CACNA2D1: variants seen among roughly 807,000 people sequenced by gnomAD.
The protein encoded by CACNA2D1 is voltage-dependent calcium channel subunit alpha-2/delta-1.
Under a neutral mutation model 171.5 loss-of-function variants are expected in CACNA2D1, and 53 were observed. The observed-to-expected ratio is 0.31, with a 90% confidence interval of 0.25 to 0.39. The LOEUF is 0.39. CACNA2D1 is among the 10% of genes least tolerant of loss of function. The pLI, the probability that CACNA2D1 is intolerant of heterozygous loss-of-function variation, is 1.00. For synonymous variants in CACNA2D1, 442 were observed against 443.1 expected (o/e 1.00, Z 0.03); for missense variants, 903 against 1,299.8 (o/e 0.69, Z 4.69).
chr7:82,060,394 T>C, intron 10 of CACNA2D1, 34 bp downstream of exon 10: 15 of 1,440,088 alleles, frequency 1.0e-5, no homozygotes, highest in Admixed American at 1.7e-5. Flanking sequence ...AATTGCAAAT[T>C]TAATTCAGGA....
intron 24 of CACNA2D1, among the ~76,000 whole-genome samples, chr7:81,975,539 CTTGT>C (rs777695155): frequency 4.6e-5 from 7 of 151,930 alleles, no homozygotes; most frequent in Non-Finnish European, 1.0e-4. Context: ...CATACTGAAA[CTTGT>C]TTATTTGTAA....
intron 7 of CACNA2D1, among the ~76,000 whole-genome samples, chr7:82,084,418 TCTAATGTGACTCACAG>T (rs1810198855): frequency 6.6e-6 from 1 of 152,208 alleles, no homozygotes; most frequent in South Asian, 2.1e-4. Flanking sequence ...AATTCAATTC[TCTAATGTGACTCACAG>T]CTTGGTGCAT....
intron 4 of CACNA2D1, among the ~76,000 whole-genome samples, chr7:82,160,647 T>C (rs1794849647): frequency 6.6e-6 from 1 of 152,004 alleles, no homozygotes; most frequent in Non-Finnish European, 1.5e-5. Flanking sequence ...TTTTTAATTG[T>C]AGACCTTGTA....
At chr7:81,967,574 G>T (rs200135341) in intron 30 of CACNA2D1, 22 bp downstream of exon 30, 21 of 1,318,014 alleles carry the variant, frequency 1.6e-5, no homozygotes, top group Middle Eastern at 1.9e-4. Context: ...CATAGCATAA[G>T]AATTTTTTAA....
chr7:82,029,845 T>C (rs546400008), intron 12 of CACNA2D1: 4 of 151,974 alleles, frequency 2.6e-5, no homozygotes, highest in Admixed American at 2.0e-4. Flanking sequence ...TCCAAGAATA[T>C]TTTAATTTTT....
At chr7:82,140,071 G>A (rs1219357111) in intron 4 of CACNA2D1, among the ~76,000 whole-genome samples, 6 of 151,906 alleles carry the variant, frequency 3.9e-5, no homozygotes. Context: ...GATTACAGGC[G>A]TGAGCCACCA....
chr7:82,200,731 C>G (rs1799331702), intron 3 of CACNA2D1, among the ~76,000 whole-genome samples: 1 of 152,068 alleles, frequency 6.6e-6, no homozygotes, highest in African/African-American at 2.4e-5. Context: ...GAACTCAGGC[C>G]TAAAAAAGAT....
chr7:82,295,376 G>A (rs766831560), intron 3 of CACNA2D1, among the ~76,000 whole-genome samples: 75 of 149,924 alleles, frequency 5.0e-4, no homozygotes, highest in African/African-American at 1.2e-3. Flanking sequence ...TCACTCTGTC[G>A]CCCAAGCTGG....
chr7:82,049,053 T>TAAAGAGAG (rs1431554199), intron 10 of CACNA2D1, among the ~76,000 whole-genome samples: 1 of 151,622 alleles, frequency 6.6e-6, no homozygotes, highest in Non-Finnish European at 1.5e-5. Flanking sequence ...AAAATACTTA[T>TAAAGAGAG]TGTACTTGTC....
At chr7:82,260,682 AG>A (rs1806953968) in intron 3 of CACNA2D1, among the ~76,000 whole-genome samples, 1 of 152,192 alleles carries the variant, frequency 6.6e-6, no homozygotes, top group South Asian at 2.1e-4. Context: ...GGCCTTAGAA[AG>A]GTTACATAAC....
chr7:82,031,915 A>G (rs544338410), intron 12 of CACNA2D1, among the ~76,000 whole-genome samples: 38 of 152,168 alleles, frequency 2.5e-4, no homozygotes, highest in African/African-American at 7.9e-4. Context: ...CTTCTTATAT[A>G]TAAATGTATG....
At chr7:82,089,617 A>C (rs1429047539) in intron 6 of CACNA2D1, among the ~76,000 whole-genome samples, 3 of 152,140 alleles carry the variant, frequency 2.0e-5, no homozygotes, top group Non-Finnish European at 4.4e-5. Context: ...TCTCCCTTTT[A>C]GAGTATTCTA....
chr7:82,288,177 G>A (rs1171874895), intron 3 of CACNA2D1, among the ~76,000 whole-genome samples: 1 of 151,942 alleles, frequency 6.6e-6, no homozygotes. Context: ...GTGCCATAGA[G>A]TAAACTTTCC....
At chr7:82,361,545 TA>T (rs1249571943) in intron 1 of CACNA2D1, among the ~76,000 whole-genome samples, 2 of 152,128 alleles carry the variant, frequency 1.3e-5, no homozygotes, top group African/African-American at 2.4e-5. Flanking sequence ...TGCTAATGTT[TA>T]AAAAAATTAT....
At chr7:82,182,151 C>CA (rs1469893898) in intron 3 of CACNA2D1, among the ~76,000 whole-genome samples, 2 of 152,062 alleles carry the variant, frequency 1.3e-5, no homozygotes, top group Non-Finnish European at 2.9e-5. Flanking sequence ...CCATTACTCA[C>CA]AATTTGCAGG....
chr7:82,337,004 A>T lies in CACNA2D1; in HGVS notation c.178-1753T>A, dbSNP rs188753891. 5.4e-3 allele frequency among the ~76,000 whole-genome samples: 825 copies of T among 152,254 alleles called. 5 individuals are homozygous for T. Among genetic ancestry groups the T allele is most frequent in the African/African-American group, 0.019 (797 of 41,554 alleles). On this transcript the variant is annotated intron_variant, in intron 2 of 38. Transcript: ENST00000356860. ...TATCATTTATTAAGTCTCTACATACATGTGCCGGACATATTAATTACTTGG... is the reference window on the plus strand; with the variant it reads ...TATCATTTATTAAGTCTCTACATACTTGTGCCGGACATATTAATTACTTGG...
At chr7:82,021,988 C>T (rs1201073202) in intron 12 of CACNA2D1, among the ~76,000 whole-genome samples, 1 of 151,900 alleles carries the variant, frequency 6.6e-6, no homozygotes, top group Non-Finnish European at 1.5e-5. Context: ...TTTCAAGTGC[C>T]ATTTCTGTGC....
chr7:82,290,097 A>C (rs1282880323), intron 3 of CACNA2D1, among the ~76,000 whole-genome samples: 1 of 152,202 alleles, frequency 6.6e-6, no homozygotes, highest in East Asian at 1.9e-4. Context: ...GTGCAAAAGT[A>C]ATTGCGGTTT....
chr7:82,334,139 C>A (rs1037477007), intron 3 of CACNA2D1, among the ~76,000 whole-genome samples: 1 of 152,044 alleles, frequency 6.6e-6, no homozygotes, highest in Non-Finnish European at 1.5e-5. Flanking sequence ...GCAGAGGTAA[C>A]ATTTACACCC....
Sources: allele counts gnomAD v4.1 joint callset (sites outside exome capture counted in the v4.1 genomes callset), GRCh38; gene constraint gnomAD v4.1.1; transcripts MANE v1.5; gene names NCBI Gene and HGNC (gene_info 2026-07-23, HGNC 2026-07-21).